ASB11: variants seen among roughly 807,000 people sequenced by gnomAD.
ASB11 encodes the protein ankyrin repeat and SOCS box protein 11.
A neutral mutation model predicts 20.1 loss-of-function variants in ASB11; 17 were observed. The ratio of observed to expected loss-of-function variants is 0.85; its 90% CI spans 0.58 to 1.27. The LOEUF (loss-of-function observed/expected upper bound fraction) is 1.27, where lower values mean the gene tolerates loss of function less well. ASB11 is among the 50% of genes most tolerant of loss of function. ASB11 has a pLI of 0.00. For missense variants in ASB11, 259 were observed against 256.9 expected (o/e 1.01, Z -0.06); for synonymous variants, 107 against 105.6 (o/e 1.01, Z -0.08).
At chrX:15,289,682 A>G in intron 4 of ASB11, 44 bp from the exon 5 acceptor site, 3 of 1,171,522 alleles carry the variant, frequency 2.6e-6, no homozygotes, top group Non-Finnish European at 3.5e-6. Flanking sequence ...GGGACATATT[A>G]AATATTAACA....
intron 4 of ASB11, among the ~76,000 whole-genome samples, chrX:15,290,898 A>C (rs1323416690): frequency 1.8e-5 from 2 of 111,694 alleles, no homozygotes; most frequent in African/African-American, 6.5e-5. Flanking sequence ...CAAGGTATTG[A>C]CTCAAACTAT....
intron 1 of ASB11, among the ~76,000 whole-genome samples, chrX:15,308,457 G>A (rs1161911229): frequency 9.0e-6 from 1 of 111,524 alleles, no homozygotes; most frequent in Non-Finnish European, 1.9e-5. Context: ...TGGCATGGGG[G>A]GTTCAGCAAG....
chrX:15,282,410 A>G lies in ASB11; in HGVS notation c.*1095T>C, dbSNP rs1271146627. Reference sequence around the variant, plus strand: ...AAGAAGGAGAAGACAGAAAAGGAGAAGCCTCTTTTTATATACCTTTGTGCT... The same window carrying G: ...AAGAAGGAGAAGACAGAAAAGGAGAGGCCTCTTTTTATATACCTTTGTGCT... On this transcript the variant is annotated 3_prime_UTR_variant, in exon 7 of 7. Coordinates refer to ENST00000480796, the MANE Select transcript of ASB11 (RefSeq NM_080873.3). The G allele has an allele frequency of 9.0e-6, 1 of 111,328 alleles. No individual in the cohort carries two copies. The highest frequency in any genetic ancestry group is 1.9e-5 in the Non-Finnish European group (1 of 53,044). The allele number at this position is 111,328 out of a possible 1,213,427, so 9.2% of individuals were successfully genotyped here.
intron 1 of ASB11, among the ~76,000 whole-genome samples, chrX:15,311,304 T>C (rs1921424493): frequency 8.9e-6 from 1 of 112,477 alleles, no homozygotes. Context: ...CTTTGAACTC[T>C]TAAGGGCGGG....
At chrX:15,284,122 G>A (rs772039757) in intron 6 of ASB11, among the ~76,000 whole-genome samples, 2 of 106,260 alleles carry the variant, frequency 1.9e-5, no homozygotes, top group Non-Finnish European at 3.8e-5. Context: ...TGTGGTGGCG[G>A]GTGCCTATAG....
intron 6 of ASB11, among the ~76,000 whole-genome samples, chrX:15,286,663 CAAA>C (rs764801887): frequency 0.041 from 2,207 of 54,284 alleles, 37 homozygotes; most frequent in Non-Finnish European, 0.058. Context: ...GACTCCATCT[CAAA>C]AAAAAAAAAA....
Position 15,298,073 on chromosome X carries a change from T to C in ASB11, c.262-392A>G, listed in dbSNP as rs185931829. 3.4e-3 allele frequency among the ~76,000 whole-genome samples: 377 copies of C among 111,882 alleles called. 1 individual carries two copies. Among genetic ancestry groups the C allele is most frequent in the African/African-American group, 0.012 (358 of 30,812 alleles). On this transcript the variant is annotated intron_variant, in intron 2 of 6. Coordinates refer to ENST00000480796, the MANE Select transcript of ASB11 (RefSeq NM_080873.3). ...ACCTGGGTCTTCAAAACTTATGACA[T>C]GGGTCTCTCTTCTCCCAGAGCCTAC... is the stretch of plus-strand genomic sequence containing the variant.
At chrX:15,302,609 C>G (rs1188993415) in intron 2 of ASB11, 119 bp downstream of exon 2, 1 of 681,742 alleles carries the variant, frequency 1.5e-6, no homozygotes, top group Non-Finnish European at 2.2e-6. Context: ...ATACGTGCCT[C>G]GAATGGCAAT....
Position 15,282,830 on chromosome X carries a change from T to C in ASB11, c.*675A>G, listed in dbSNP as rs2054965495. ...TATATAAAGTCTATATAAATATATA[T>C]AACTTTATATATAAAGAACTTTGAA... On this transcript the variant is annotated 3_prime_UTR_variant, in exon 7 of 7. Transcript: ENST00000480796. The C allele has an allele frequency of 9.4e-6, 1 of 106,513 alleles. No homozygotes were observed. The highest frequency in any genetic ancestry group is 3.4e-5 in the African/African-American group (1 of 29,658). The allele number at this position is 106,513 out of a possible 1,213,427, so 8.8% of individuals were successfully genotyped here.
chrX:15,284,775 T>A (rs1007093577), intron 6 of ASB11, among the ~76,000 whole-genome samples: 1 of 112,168 alleles, frequency 8.9e-6, no homozygotes, highest in Non-Finnish European at 1.9e-5. Flanking sequence ...CATTATTTCC[T>A]AACCTGACTG....
intron 1 of ASB11, among the ~76,000 whole-genome samples, chrX:15,307,716 G>A (rs12841882): frequency 0.14 from 15,650 of 111,078 alleles, 1,403 homozygotes; most frequent in African/African-American, 0.32. Context: ...AAAGCACCCC[G>A]AGGAGGGGTG....
intron 6 of ASB11, among the ~76,000 whole-genome samples, chrX:15,286,587 C>T (rs1266028266): frequency 9.5e-6 from 1 of 105,063 alleles, no homozygotes; most frequent in African/African-American, 3.5e-5. Flanking sequence ...ATCGCTTGAA[C>T]CCGGGAGGCA....
chrX:15,296,176 G>A (rs1446924567), intron 3 of ASB11, among the ~76,000 whole-genome samples: 2 of 110,967 alleles, frequency 1.8e-5, no homozygotes, highest in Non-Finnish European at 3.8e-5. Flanking sequence ...TCGAATCTAG[G>A]AAGTGGAGTT....
At position 15,287,570 on chromosome X, in the gene ASB11, C is replaced by G. The variant is rs763708507; in HGVS notation, c.847+311G>C. 1.1e-3 allele frequency among the ~76,000 whole-genome samples: 121 copies of G among 112,848 alleles called. 1 individual carries two copies. Among genetic ancestry groups the G allele is most frequent in the Middle Eastern group, 4.6e-3 (1 of 219 alleles). On this transcript the variant is annotated intron_variant, in intron 6 of 6. Coordinates refer to ENST00000480796, the MANE Select transcript of ASB11 (RefSeq NM_080873.3). ...TCAAACTCCTGACCTTGTGATCCAC[C>G]CGCCTCAGCCTCCCAAAGTGCTGGG...
At chrX:15,308,218 C>T in intron 1 of ASB11, among the ~76,000 whole-genome samples, 1 of 112,496 alleles carries the variant, frequency 8.9e-6, no homozygotes, top group Non-Finnish European at 1.9e-5. Context: ...CACACTGGGG[C>T]TTACACCCAT....
rs753473692 is a variant in ASB11, at chrX:15,297,536, T to C, written c.369+38A>G. On this transcript the variant is annotated intron_variant, in intron 3 of 6. Coordinates refer to ENST00000480796, the MANE Select transcript of ASB11 (RefSeq NM_080873.3). ...ATCATTAAACATTAACAGATGCATC[T>C]GGCCAGACAGACCCAAGTGGGCAGG... 4 of 1,058,605 alleles carry C rather than the reference T, an allele frequency of 3.8e-6. No homozygotes were observed. In the East Asian group the frequency reaches 1.3e-4, roughly 34 times the overall value. 87.2% of individuals were successfully genotyped at this position (1,058,605 alleles called of 1,213,427 possible).
In ASB11 at chrX:15,283,366, A is replaced by G; in HGVS notation, c.*139T>C. On this transcript the variant is annotated 3_prime_UTR_variant, in exon 7 of 7. Transcript: ENST00000480796. Reference sequence around the variant, plus strand: ...GGAGTTTCCACTCCTCAAGTGTTCTAGCTCATGGGGGATTTACTTCGACTG... The same window carrying G: ...GGAGTTTCCACTCCTCAAGTGTTCTGGCTCATGGGGGATTTACTTCGACTG... The G allele has an allele frequency of 1.2e-6, 1 of 866,832 alleles. No individual in the cohort carries two copies. The highest frequency in any genetic ancestry group is 1.6e-6 in the Non-Finnish European group (1 of 608,062). The allele number at this position is 866,832 out of a possible 1,213,427, so 71.4% of individuals were successfully genotyped here.
At chrX:15,289,734 C>G in intron 4 of ASB11, 96 bp from the exon 5 acceptor site, 1 of 1,022,325 alleles carries the variant, frequency 9.8e-7, no homozygotes, top group South Asian at 2.4e-5. Context: ...TTAGAAATAA[C>G]CTAGGTTGGC....
At chrX:15,312,557 T>C (rs1460792823) in intron 1 of ASB11, among the ~76,000 whole-genome samples, 1 of 107,786 alleles carries the variant, frequency 9.3e-6, no homozygotes, top group Non-Finnish European at 1.9e-5. Context: ...GTCTAACCTG[T>C]GTGCTGGCTA....
Sources: gnomAD v4.1 joint callset for allele counts (sites outside exome capture counted in the v4.1 genomes callset) on GRCh38, gnomAD v4.1.1 for gene constraint, MANE v1.5 for transcripts, NCBI Gene and HGNC (gene_info 2026-07-23, HGNC 2026-07-21) for gene names.